Variants in RASGEF1A observed in about 807,000 individuals in gnomAD.
RASGEF1A encodes ras-GEF domain-containing family member 1A.
RASGEF1A carries 18 observed loss-of-function variants against 56.4 expected under a neutral mutation model. The ratio of observed to expected loss-of-function variants is 0.32; its 90% confidence interval spans 0.22 to 0.47. The LOEUF is 0.47. RASGEF1A is among the 20% of genes least tolerant of loss of function. The pLI, the probability that RASGEF1A is intolerant of heterozygous loss-of-function variation, is 1.00. For synonymous variants in RASGEF1A, 245 were observed against 242.6 expected, an observed-to-expected ratio of 1.01 and a Z score of -0.09; for missense variants, 422 against 627.1, an observed-to-expected ratio of 0.67 and a Z score of 3.49.
chr10:43,253,404 G>A (rs1230858837), intron 1 of RASGEF1A, among the ~76,000 whole-genome samples: 1 of 152,270 alleles, frequency 6.6e-6, no homozygotes. Context: ...ACCTGGGAAT[G>A]TTCCCGTATT....
At position 43,240,184 on chromosome 10, in the gene RASGEF1A, C is replaced by T. The variant is rs977736729; in HGVS notation, c.-7+26661G>A. 1.4e-4 allele frequency among the ~76,000 whole-genome samples: 22 copies of T among 152,306 alleles called. 1 individual carries two copies. Among genetic ancestry groups the T allele is most frequent in the Admixed American group, 1.3e-4 (2 of 15,304 alleles). On this transcript the variant is annotated intron_variant, in intron 1 of 12. Coordinates refer to ENST00000395810, the MANE Select transcript of RASGEF1A (RefSeq NM_145313.4). ...AGAGCCCCTTAGCGAAGACTGAGAA[C>T]TTTATTGACTCCAGGCACTTATGAA...
chr10:43,200,034 G>A (rs577857260), intron 6 of RASGEF1A, 148 bp downstream of exon 6: 7 of 679,834 alleles, frequency 1.0e-5, no homozygotes, highest in Admixed American at 2.4e-5. Context: ...GGTGCTAGGA[G>A]GTCCAGTGCC....
chr10:43,199,614 ATCAGGG>A, intron 7 of RASGEF1A, 56 bp downstream of exon 7: 1 of 1,325,686 alleles, frequency 7.5e-7, no homozygotes, highest in South Asian at 1.2e-5. Context: ...CTGGGGCAAG[ATCAGGG>A]TCTCACTGGG....
intron 1 of RASGEF1A, among the ~76,000 whole-genome samples, chr10:43,258,702 G>A (rs1836473189): frequency 6.6e-6 from 1 of 152,212 alleles, no homozygotes; most frequent in Non-Finnish European, 1.5e-5. Context: ...CCTAGGAGCA[G>A]GACTGCCTCT....
intron 1 of RASGEF1A, among the ~76,000 whole-genome samples, chr10:43,236,615 C>T (rs1157932717): frequency 2.0e-5 from 3 of 152,248 alleles, no homozygotes; most frequent in Non-Finnish European, 4.4e-5. Flanking sequence ...TCCATTTAGC[C>T]TTATCAAGTG....
intron 1 of RASGEF1A, among the ~76,000 whole-genome samples, chr10:43,259,584 C>T (rs531146308): frequency 7.9e-5 from 12 of 152,190 alleles, no homozygotes; most frequent in Non-Finnish European, 1.5e-4. Flanking sequence ...CTTGTCCTTC[C>T]CACACAGATG....
Position 43,196,405 on chromosome 10 carries a change from G to C in RASGEF1A, c.1421+71C>G. 6.4e-7 allele frequency: 1 copy of C among 1,566,188 alleles called. No individual in the cohort carries two copies. The highest frequency in any genetic ancestry group is 8.8e-7 in the Non-Finnish European group (1 of 1,136,906). ...CAGTGCCCAGGCTCCCTTTCCAGGA[G>C]GGTAACCCTCGTGCCCACCCTGAGT... On this transcript the variant is annotated intron_variant, in intron 12 of 12. Transcript: ENST00000395810. The surrounding 1 kb of genome is among the most constrained non-coding windows in gnomAD (Gnocchi z 4.6).
chr10:43,232,720 C>T (rs1479783323), intron 1 of RASGEF1A, among the ~76,000 whole-genome samples: 1 of 152,086 alleles, frequency 6.6e-6, no homozygotes, highest in Non-Finnish European at 1.5e-5. Context: ...CTTCCTGACC[C>T]AAGTGATCTG....
At position 43,257,909 on chromosome 10, in the gene RASGEF1A, G is replaced by A. The variant is rs148520244; in HGVS notation, c.-7+8936C>T. ...CCAGGCAGCCAGTGCTCTGGCCGAG[G>A]CAGACAGCTGCAGCCTGGAGAGGAC... On this transcript the variant is annotated intron_variant, in intron 1 of 12. Transcript: ENST00000395810. Among the ~76,000 whole-genome samples the A allele has an allele frequency of 5.2e-3, 789 of 152,388 alleles. 2 individuals carry two copies. The highest frequency in any genetic ancestry group is 0.017 in the Middle Eastern group (5 of 294).
rs1181692721 is a variant in RASGEF1A at position 43,196,946 on chromosome 10, AG to A, written c.1348+29del. ...TGGACAAGGAGTCAGGTGGGGTGGG[AG>A]GCATGCTGCGTTGGGAGGCAGCCCT... is the stretch of plus-strand genomic sequence containing the variant. On this transcript the variant is annotated intron_variant, in intron 11 of 12. Coordinates refer to ENST00000395810, the MANE Select transcript of RASGEF1A (RefSeq NM_145313.4). The surrounding 1 kb of genome is among the most constrained non-coding windows in gnomAD (Gnocchi z 4.6). The A allele has an allele frequency of 3.1e-6, 5 of 1,609,692 alleles. No individual in the cohort carries two copies. Among genetic ancestry groups the A allele is most frequent in the Non-Finnish European group, 4.2e-6 (5 of 1,178,676 alleles).
chr10:43,236,402 G>A (rs562307532), intron 1 of RASGEF1A, among the ~76,000 whole-genome samples: 1 of 152,352 alleles, frequency 6.6e-6, no homozygotes, highest in African/African-American at 2.4e-5. Flanking sequence ...TGTGCTTTCT[G>A]CATGTGTGCA....
intron 1 of RASGEF1A, among the ~76,000 whole-genome samples, chr10:43,244,794 C>G (rs149402268): frequency 6.6e-6 from 1 of 152,140 alleles, no homozygotes; most frequent in African/African-American, 2.4e-5. Context: ...GCCAAACTTA[C>G]GGAATACAGC....
chr10:43,229,386 G>T (rs1288105458), intron 1 of RASGEF1A, among the ~76,000 whole-genome samples: 2 of 152,194 alleles, frequency 1.3e-5, no homozygotes, highest in African/African-American at 4.8e-5. Flanking sequence ...TTCCAGGCTC[G>T]CAGGAGCCAC....
intron 6 of RASGEF1A, 130 bp downstream of exon 6, chr10:43,200,052 T>C (rs1333017820): frequency 1.4e-6 from 1 of 739,528 alleles, no homozygotes; most frequent in Non-Finnish European, 2.3e-6. Flanking sequence ...GCCACATCCA[T>C]CGGGGCTCAT....
rs771680274 is a variant in RASGEF1A at position 43,196,472 on chromosome 10, C to G, written c.1421+4G>C. The G allele has an allele frequency of 1.1e-5, 17 of 1,613,468 alleles. No homozygotes were observed. The East Asian group carries it at 3.6e-4, about 34-fold the overall frequency. ...AGACTCCCATGTTCCTGACGCCCTC[C>G]TACCTGAGGGTCTTCCAGCTGTCTT... On this transcript the variant is annotated splice_donor_region_variant and intron_variant, in intron 12 of 12. Coordinates refer to ENST00000395810, the MANE Select transcript of RASGEF1A (RefSeq NM_145313.4). This position sits in a 1 kb window ranked among gnomAD's most constrained non-coding sequence, Gnocchi z 4.6.
intron 1 of RASGEF1A, among the ~76,000 whole-genome samples, chr10:43,258,082 G>A (rs553042655): frequency 3.3e-5 from 5 of 152,234 alleles, no homozygotes; most frequent in Admixed American, 6.5e-5. Flanking sequence ...CAGGATCTCA[G>A]GCGAAAGCTG....
chr10:43,199,321 C>T, intron 7 of RASGEF1A, 127 bp from the exon 8 acceptor site: 1 of 736,012 alleles, frequency 1.4e-6, no homozygotes, highest in Non-Finnish European at 2.4e-6. Context: ...CGGGCTGATC[C>T]AGGTCCATGG....
chr10:43,249,629 T>C (rs1382659047), intron 1 of RASGEF1A, among the ~76,000 whole-genome samples: 1 of 152,194 alleles, frequency 6.6e-6, no homozygotes, highest in Non-Finnish European at 1.5e-5. Context: ...AATGTCAGTG[T>C]CTGCACACAG....
chr10:43,218,690 C>T (rs766032341), intron 1 of RASGEF1A, among the ~76,000 whole-genome samples: 9 of 152,240 alleles, frequency 5.9e-5, no homozygotes, highest in African/African-American at 1.4e-4. Flanking sequence ...GTGAACCTTC[C>T]GGGCTGGCCA....
Sources: gnomAD v4.1 joint callset for allele counts (sites outside exome capture counted in the v4.1 genomes callset) on GRCh38, gnomAD v4.1.1 for gene constraint, Gnocchi (gnomAD v3.1) non-coding constraint, MANE v1.5 for transcripts, NCBI Gene and HGNC (gene_info 2026-07-23, HGNC 2026-07-21) for gene names.